ARAP2: variants seen among roughly 807,000 people sequenced by gnomAD.
ARAP2 encodes the protein ArfGAP with RhoGAP domain, ankyrin repeat and PH domain 2.
In ARAP2, 148 loss-of-function variants were observed where a neutral mutation model predicts 194.5. The observed-to-expected ratio is 0.76, with a 90% CI of 0.67 to 0.87. ARAP2 has a LOEUF of 0.87. ARAP2 is among the 40% of genes least tolerant of loss of function. ARAP2 has a pLI of 0.00. For synonymous variants in ARAP2, 695 were observed against 683.5 expected (o/e 1.02, Z -0.26); for missense variants, 2,128 against 1,989.7 (o/e 1.07, Z -1.32).
intron 32 of ARAP2, among the ~76,000 whole-genome samples, chr4:36,070,810 A>G (rs555272152): frequency 6.6e-6 from 1 of 152,304 alleles, no homozygotes; most frequent in East Asian, 1.9e-4. Context: ...AATCATCACA[A>G]CACTTTAAAC....
intron 1 of ARAP2, among the ~76,000 whole-genome samples, chr4:36,236,327 G>A (rs946633448): frequency 4.6e-5 from 7 of 152,046 alleles, no homozygotes; most frequent in Non-Finnish European, 7.4e-5. Context: ...GTTGAACAAG[G>A]AAAGCAAACA....
chr4:36,233,492 C>T (rs1470982589), intron 1 of ARAP2, among the ~76,000 whole-genome samples: 1 of 152,172 alleles, frequency 6.6e-6, no homozygotes, highest in Non-Finnish European at 1.5e-5. Context: ...TGCTTTATAC[C>T]AGCCCACCTG....
At chr4:36,018,816 T>C (rs1026798541) in intron 6 of ARAP2, among the ~76,000 whole-genome samples, 3 of 152,192 alleles carry the variant, frequency 2.0e-5, no homozygotes, top group Non-Finnish European at 4.4e-5. Context: ...ACTTTTAGCA[T>C]GTACTCTGGA....
chr4:36,065,277 C>A (rs1017186613), downstream of ARAP2: 45 of 445,852 alleles, frequency 1.0e-4, no homozygotes, highest in African/African-American at 8.3e-4. Flanking sequence ...TGAGGGCCAA[C>A]ACCATGTCAC....
rs1001638918 is a variant in ARAP2 at position 36,199,301 on chromosome 4, A to AT, written c.1488-5655dup. On this transcript the variant is annotated intron_variant, in intron 6 of 32. Transcript: ENST00000303965. ...AAAATACATTTTAGAATTAAAAAAA[A>AT]TTTTTTTTGAGGTGGAGTCTCACTC... Among the ~76,000 whole-genome samples the AT allele has an allele frequency of 1.5e-4, 23 of 152,208 alleles. No homozygotes were observed. The East Asian group carries it at 2.7e-3, about 18-fold the overall frequency.
chr4:36,211,994 C>T (rs548294808), intron 5 of ARAP2, among the ~76,000 whole-genome samples: 2 of 111,786 alleles, frequency 1.8e-5, no homozygotes, highest in Non-Finnish European at 3.9e-5. Flanking sequence ...TGCTTCTTGC[C>T]AGTGCTGAAA....
At chr4:36,061,056 GT>G (rs1388724741), downstream of ARAP2, among the ~76,000 whole-genome samples, 1 of 152,022 alleles carries the variant, frequency 6.6e-6, no homozygotes, top group Admixed American at 6.6e-5. Context: ...GCTAGAAGCA[GT>G]TTTTTAATTA....
rs150827504 is a variant in ARAP2 at position 36,075,000 on chromosome 4, G to A, written c.4609-1177C>T. 2.3e-3 allele frequency among the ~76,000 whole-genome samples: 345 copies of A among 152,058 alleles called. 1 individual carries two copies. Among genetic ancestry groups the A allele is most frequent in the Non-Finnish European group, 3.6e-3 (248 of 67,946 alleles). ...TTAGTGAAGCATTTACCTTAGTTCCGCAAATCTATAATGGTAGGTTATACA... is the reference window on the plus strand; with the variant it reads ...TTAGTGAAGCATTTACCTTAGTTCCACAAATCTATAATGGTAGGTTATACA... On this transcript the variant is annotated intron_variant, in intron 31 of 32. Coordinates refer to ENST00000303965, the MANE Select transcript of ARAP2 (RefSeq NM_015230.4).
At position 36,177,815 on chromosome 4, in the gene ARAP2, AAC is replaced by A. The variant is rs1230889283; in HGVS notation, c.1857+10_1857+11del. ...AATAGCAGCAATTTGCAATGACTAT[AAC>A]AGAGCTCACCTGTTCGTTTTTGCAA... On this transcript the variant is annotated intron_variant, in intron 9 of 32. Coordinates refer to ENST00000303965, the MANE Select transcript of ARAP2 (RefSeq NM_015230.4). 6.3e-7 allele frequency: 1 copy of A among 1,584,424 alleles called. No individual in the cohort carries two copies. The highest frequency in any genetic ancestry group is 1.2e-5 in the South Asian group (1 of 85,304).
intron 3 of ARAP2, among the ~76,000 whole-genome samples, chr4:36,050,349 T>C (rs555879572): frequency 6.6e-6 from 1 of 152,324 alleles, no homozygotes; most frequent in Non-Finnish European, 1.5e-5. Context: ...CCAATTAGTA[T>C]AAAATTAGTA....
intron 8 of ARAP2, among the ~76,000 whole-genome samples, chr4:36,014,257 GAAAGAAAGAA>G (rs1560263962): frequency 3.7e-5 from 5 of 134,628 alleles, no homozygotes; most frequent in African/African-American, 1.5e-4. Context: ...AAGAAAGAAA[GAAAGAAAGAA>G]AGAAAGAAAG....
downstream of ARAP2, chr4:36,065,224 G>A: frequency 2.6e-6 from 1 of 380,566 alleles, no homozygotes; most frequent in Non-Finnish European, 5.5e-6. Flanking sequence ...GCCTGCTCTT[G>A]CAGGTGGAGC....
Position 36,125,778 on chromosome 4 carries a change from A to G in ARAP2, c.3641-811T>C, listed in dbSNP as rs189497974. ...TTTAGCCTATGCTACCTGAAGTGGA[A>G]ATAGATCATTCTTTAAATAAATCAC... is the stretch of plus-strand genomic sequence containing the variant. On this transcript the variant is annotated intron_variant, in intron 21 of 32. Coordinates refer to ENST00000303965, the MANE Select transcript of ARAP2 (RefSeq NM_015230.4). 3.3e-5 allele frequency among the ~76,000 whole-genome samples: 5 copies of G among 152,162 alleles called. No individual in the cohort carries two copies. The East Asian group carries it at 9.7e-4, about 30-fold the overall frequency.
intron 28 of ARAP2, among the ~76,000 whole-genome samples, chr4:36,087,335 A>G (rs1712150938): frequency 6.6e-6 from 1 of 152,092 alleles, no homozygotes; most frequent in South Asian, 2.1e-4. Flanking sequence ...TTAAAGTATC[A>G]GTTGCATTAA....
At chr4:36,187,723 C>G (rs1018663655) in intron 7 of ARAP2, 152 bp from the exon 8 acceptor site, 2 of 503,158 alleles carry the variant, frequency 4.0e-6, no homozygotes, top group Middle Eastern at 5.5e-4. Flanking sequence ...CACTCATATT[C>G]TCATGTAATA....
At chr4:36,148,553 C>T (rs763071917) in intron 16 of ARAP2, 46 bp from the exon 17 acceptor site, 2 of 1,395,496 alleles carry the variant, frequency 1.4e-6, no homozygotes, top group Non-Finnish European at 2.0e-6. Context: ...ATATTTAGCT[C>T]TTAAGAAAAT....
rs1459295563 is a variant in ARAP2, at chr4:36,068,246, G to A, written c.4776C>T (p.Leu1592=). The A allele has an allele frequency of 1.4e-5, 22 of 1,577,922 alleles. No homozygotes were observed. Among genetic ancestry groups the A allele is most frequent in the Non-Finnish European group, 1.7e-5 (20 of 1,163,746 alleles). Residue 1592 remains leucine (L), a synonymous_variant, in exon 33 of 33, where the codon CTC becomes CTT. Coordinates refer to ENST00000303965, the MANE Select transcript of ARAP2 (RefSeq NM_015230.4). ...SARAELERLR[L]SEKCDKESVD... is the part of the protein sequence containing the mutation. ...CGGACTCTTTATCACACTTTTCACT[G>A]AGCCGCAGCCTTTCAAGTTCTGCTC...
chr4:36,041,771 C>T (rs757143245), intron 5 of ARAP2, among the ~76,000 whole-genome samples: 6 of 152,076 alleles, frequency 3.9e-5, no homozygotes, highest in Non-Finnish European at 8.8e-5. Context: ...ATGGAGTCAA[C>T]CTAAATGCCT....
intron 7 of ARAP2, among the ~76,000 whole-genome samples, 151 bp downstream of exon 7, chr4:36,193,423 TTAAC>T (rs1742390045): frequency 1.3e-5 from 2 of 152,338 alleles, no homozygotes; most frequent in Admixed American, 6.5e-5. Context: ...CTGATTTTAA[TTAAC>T]TAAGCATATG....
Sources: allele counts gnomAD v4.1 joint callset (sites outside exome capture counted in the v4.1 genomes callset), GRCh38; gene constraint gnomAD v4.1.1; transcripts MANE v1.5; gene names NCBI Gene and HGNC (gene_info 2026-07-23, HGNC 2026-07-21).